HYDIN: variants seen among roughly 807,000 people sequenced by gnomAD.
HYDIN encodes HYDIN axonemal central pair apparatus protein, also known as axonemal central pair apparatus protein HYDIN.
HYDIN carries 132 observed loss-of-function variants against 403.9 expected under a neutral mutation model. The ratio of observed to expected loss-of-function variants is 0.33; its 90% CI spans 0.28 to 0.38. The LOEUF is 0.38. HYDIN is among the 10% of genes least tolerant of loss of function. HYDIN has a pLI of 1.00. For missense variants in HYDIN, 2,827 were observed against 5,009.5 expected, an observed-to-expected ratio of 0.56 and a Z score of 13.15; for synonymous variants, 1,202 against 1,891.7, an observed-to-expected ratio of 0.64 and a Z score of 9.46.
chr16:71,048,252 C>T (rs2081516270), intron 18 of HYDIN, among the ~76,000 whole-genome samples: 1 of 149,650 alleles, frequency 6.7e-6, no homozygotes, highest in Non-Finnish European at 1.5e-5. Context: ...TTGATGGACA[C>T]TTAGGTTGGT....
rs199723584 is a variant in HYDIN at position 70,952,592 on chromosome 16, T to C, written c.6360A>G (p.Arg2120=). ...ACTTGCCCAAGGTGTCAGTGCTCAG[T>C]CGTCCTTGCCCTATGACGTTTTGAC... The part of the protein sequence containing the change: ...AVGQNVIGQG[R]LSTDTLGKLA... Residue 2120 remains arginine (R), a synonymous_variant, in exon 41 of 86, where the codon CGA becomes CGG. Transcript: ENST00000393567. The C allele has an allele frequency of 3.1e-6, 5 of 1,613,922 alleles. No homozygotes were observed. The highest frequency in any genetic ancestry group is 2.2e-5 in the East Asian group (1 of 44,844).
chr16:70,961,231 G>A (rs186183839), intron 38 of HYDIN, among the ~76,000 whole-genome samples: 23 of 152,292 alleles, frequency 1.5e-4, no homozygotes, highest in African/African-American at 5.3e-4. Context: ...AACCACTTGG[G>A]GGCCCATCAA....
chr16:70,904,531 G>GTTTTTTTTTTTTTTT (rs1567802705), intron 50 of HYDIN, among the ~76,000 whole-genome samples: 8 of 22,744 alleles, frequency 3.5e-4, no homozygotes, highest in Admixed American at 1.5e-3. Context: ...AGGGAGTTTC[G>GTTTTTTTTTTTTTTT]TTCTTGTTGC....
chr16:71,129,590 G>C (rs1395654510), intron 9 of HYDIN, 50 bp downstream of exon 9: 2 of 1,510,226 alleles, frequency 1.3e-6, no homozygotes, highest in South Asian at 2.7e-5. Context: ...AAGCAAGCCT[G>C]TGCTCCCACT....
At chr16:71,020,565 T>C (rs1425739486) in intron 21 of HYDIN, among the ~76,000 whole-genome samples, 1 of 152,084 alleles carries the variant, frequency 6.6e-6, no homozygotes, top group Admixed American at 6.5e-5. Flanking sequence ...TCCCAGCACT[T>C]TGGGAGGCCA....
At chr16:71,198,167 C>G (rs2087800707) in intron 1 of HYDIN, among the ~76,000 whole-genome samples, 1 of 152,214 alleles carries the variant, frequency 6.6e-6, no homozygotes, top group Non-Finnish European at 1.5e-5. Context: ...TTATTTAACT[C>G]TAATGTATCT....
intron 67 of HYDIN, chr16:70,865,248 G>C (rs1242048121): frequency 2.8e-6 from 1 of 352,754 alleles, no homozygotes; most frequent in Admixed American, 3.6e-5. Context: ...TCTTTACTTG[G>C]TTACCTCCTA....
intron 18 of HYDIN, among the ~76,000 whole-genome samples, chr16:71,042,326 C>T (rs970875251): frequency 1.3e-5 from 2 of 152,124 alleles, no homozygotes; most frequent in Non-Finnish European, 1.5e-5. Flanking sequence ...GTTCTTTTAG[C>T]CTTTGCTTTT....
At chr16:71,150,797 A>G (rs960353769) in intron 7 of HYDIN, among the ~76,000 whole-genome samples, 3 of 152,232 alleles carry the variant, frequency 2.0e-5, no homozygotes, top group Admixed American at 6.5e-5. Context: ...GAAAATATTA[A>G]TAATACATAC....
intron 9 of HYDIN, among the ~76,000 whole-genome samples, chr16:71,127,165 T>C (rs1420789812): frequency 6.6e-6 from 1 of 152,216 alleles, no homozygotes; most frequent in African/African-American, 2.4e-5. Context: ...TAGGAAAGTT[T>C]CATGCCTTCA....
intron 35 of HYDIN, 128 bp from the exon 36 acceptor site, chr16:70,970,887 A>G (rs1228100781): frequency 7.5e-6 from 6 of 801,260 alleles, no homozygotes; most frequent in Admixed American, 5.7e-5. Context: ...ATAAAATTGC[A>G]TAAGAGTAAT....
chr16:71,184,645 G>T (rs1376845213), intron 3 of HYDIN, among the ~76,000 whole-genome samples: 1 of 152,126 alleles, frequency 6.6e-6, no homozygotes, highest in African/African-American at 2.4e-5. Context: ...AGCTAAGAAA[G>T]AAGTATAACT....
intron 23 of HYDIN, among the ~76,000 whole-genome samples, chr16:71,012,280 T>C (rs1597540069): frequency 6.6e-6 from 1 of 152,262 alleles, no homozygotes; most frequent in Non-Finnish European, 1.5e-5. Flanking sequence ...TGGTCATGAA[T>C]GGCCAGCCCC....
intron 41 of HYDIN, among the ~76,000 whole-genome samples, chr16:70,951,559 G>T (rs1180044224): frequency 2.6e-5 from 4 of 151,896 alleles, no homozygotes; most frequent in Middle Eastern, 3.4e-3. Context: ...CCCACCCTTA[G>T]CTGTGTCTGT....
At chr16:70,859,989 C>T (rs2039302910) in intron 71 of HYDIN, 79 bp downstream of exon 71, 5 of 1,400,786 alleles carry the variant, frequency 3.6e-6, no homozygotes, top group African/African-American at 1.9e-5. Flanking sequence ...ATTCCACTTA[C>T]TGTCTATGGC....
In HYDIN at chr16:70,802,888, G is replaced by T. The variant is rs180982291; in HGVS notation, c.*4692C>A. ...CAATCCTATGAATGAAGGTAGGTGC[G>T]CTAACAAGTAGTAGTAGTGCTGCCA... is the stretch of plus-strand genomic sequence containing the variant. On this transcript the variant is annotated 3_prime_UTR_variant, in exon 86 of 86. Coordinates refer to ENST00000393567, the MANE Select transcript of HYDIN (RefSeq NM_001270974.2). 1 of 152,172 alleles carries T rather than the reference G, an allele frequency of 6.6e-6. No homozygotes were observed. Among genetic ancestry groups the T allele is most frequent in the Admixed American group, 6.6e-5 (1 of 15,260 alleles). The allele number at this position is 152,172 out of a possible 1,614,324, so 9.4% of individuals were successfully genotyped here.
At position 71,230,604 on chromosome 16, in the gene HYDIN, C is replaced by A; in HGVS notation, c.-66G>T. On this transcript the variant is annotated 5_prime_UTR_variant, in exon 1 of 86. Transcript: ENST00000393567. ...CCCACGTTTATTCTACCTCCATTCCCCGCCAAGACCCCGCGTCCAACTCAC... is the reference window on the plus strand; with the variant it reads ...CCCACGTTTATTCTACCTCCATTCCACGCCAAGACCCCGCGTCCAACTCAC... 1 of 1,536,092 alleles carries A rather than the reference C, an allele frequency of 6.5e-7. No homozygotes were observed. The highest frequency in any genetic ancestry group is 1.7e-4 in the Middle Eastern group (1 of 5,990).
At chr16:70,922,372 T>C (rs2077021610) in intron 45 of HYDIN, among the ~76,000 whole-genome samples, 3 of 152,232 alleles carry the variant, frequency 2.0e-5, no homozygotes, top group African/African-American at 7.2e-5. Context: ...AGCTGGAGGC[T>C]AGCAGTAAAC....
chr16:70,860,857 G>A lies in HYDIN; in HGVS notation c.11822C>T (p.Ala3941Val). ...GATGGGCAAGGTGCTCCGCCCTTTT[G>A]CTACCAGGACCGGACCTTGCTCTCC... is the stretch of plus-strand genomic sequence containing the variant. ...PPGEQGPVLV[A>V]KGRSTLPICH... The change falls in exon 70 of 86, where the codon GCA (alanine) becomes GTA (valine). Residue 3941 changes from alanine to valine, a missense_variant. By Grantham distance (64) the Ala-to-Val change is moderately conservative. Coordinates refer to ENST00000393567, the MANE Select transcript of HYDIN (RefSeq NM_001270974.2). 2 of 687,836 alleles carry A rather than the reference G, an allele frequency of 2.9e-6. No homozygotes were observed. The allele number at this position is 687,836 out of a possible 1,614,324, so 42.6% of individuals were successfully genotyped here. A position where few individuals can be genotyped will look rare whatever the true frequency, so the allele number is the denominator to read the frequency against.
Sources: allele counts gnomAD v4.1 joint callset (sites outside exome capture counted in the v4.1 genomes callset), GRCh38; gene constraint gnomAD v4.1.1; transcripts MANE v1.5; gene names NCBI Gene and HGNC (gene_info 2026-07-23, HGNC 2026-07-21).